The following RNF216 variants were observed in gnomAD, a reference collection of about 807,000 sequenced individuals.
The protein encoded by RNF216 is E3 ubiquitin-protein ligase RNF216.
RNF216 carries 72 observed loss-of-function variants against 110.8 expected under a neutral mutation model. The observed-to-expected ratio is 0.65, with a 90% CI of 0.54 to 0.79. The LOEUF is 0.79. RNF216 is among the 30% of genes least tolerant of loss of function. RNF216 has a pLI of 0.00. For synonymous variants in RNF216, 495 were observed against 407.5 expected, an observed-to-expected ratio of 1.21 and a Z score of -2.59; for missense variants, 1,342 against 1,141.2, an observed-to-expected ratio of 1.18 and a Z score of -2.54.
chr7:5,658,481 A>G (rs1360281701), intron 13 of RNF216, among the ~76,000 whole-genome samples: 1 of 151,772 alleles, frequency 6.6e-6, no homozygotes, highest in Non-Finnish European at 1.5e-5. Context: ...ACATAGTGAG[A>G]CCCCATCTCT....
At chr7:5,775,479 C>T (rs1254893631) in intron 1 of RNF216, among the ~76,000 whole-genome samples, 2 of 152,144 alleles carry the variant, frequency 1.3e-5, no homozygotes, top group African/African-American at 4.8e-5. Flanking sequence ...CTCCAGAATA[C>T]TTCCTGTAAA....
intron 13 of RNF216, among the ~76,000 whole-genome samples, chr7:5,668,326 C>T (rs1454367450): frequency 6.6e-6 from 1 of 151,650 alleles, no homozygotes; most frequent in African/African-American, 2.4e-5. Context: ...CAGGTTCACA[C>T]CATTCTCCTG....
intron 1 of RNF216, among the ~76,000 whole-genome samples, chr7:5,779,462 T>C (rs1184907139): frequency 6.6e-6 from 1 of 151,458 alleles, no homozygotes; most frequent in Admixed American, 6.6e-5. Flanking sequence ...AGCCAGGCCA[T>C]GTATTAGCCT....
chr7:5,655,483 A>G (rs1029282196), intron 13 of RNF216, among the ~76,000 whole-genome samples: 10 of 151,986 alleles, frequency 6.6e-5, no homozygotes, highest in African/African-American at 2.4e-4. Context: ...CTGTAATCCC[A>G]GCTGAGGCAA....
rs531991209 is a variant in RNF216 at position 5,620,636 on chromosome 7, T to C, written c.*2224A>G. The C allele has an allele frequency of 4.6e-5, 7 of 152,394 alleles. No individual in the cohort carries two copies. The East Asian group carries it at 1.4e-3, about 29-fold the overall frequency. The allele number at this position is 152,394 out of a possible 1,614,324, so 9.4% of individuals were successfully genotyped here. A position where few individuals can be genotyped will look rare whatever the true frequency, so the allele number is the denominator to read the frequency against. ...CGCCGCTCCTTCCCCACCAGCCCAG[T>C]GTGGCCAGAACAGCTGGAACTCCTC... On this transcript the variant is annotated 3_prime_UTR_variant, in exon 17 of 17. Transcript: ENST00000389902.
chr7:5,781,077 C>G (rs1346103654), intron 1 of RNF216, among the ~76,000 whole-genome samples: 1 of 152,200 alleles, frequency 6.6e-6, no homozygotes, highest in Non-Finnish European at 1.5e-5. Context: ...ACACGCGCTC[C>G]AGATGTGAGG....
chr7:5,648,326 C>T (rs1013624377), intron 14 of RNF216, among the ~76,000 whole-genome samples: 3 of 151,726 alleles, frequency 2.0e-5, no homozygotes, highest in African/African-American at 4.8e-5. Flanking sequence ...AGGCTAGTCT[C>T]GAACTCCCGA....
At chr7:5,694,713 G>C (rs974963596) in intron 13 of RNF216, among the ~76,000 whole-genome samples, 1 of 152,196 alleles carries the variant, frequency 6.6e-6, no homozygotes, top group Non-Finnish European at 1.5e-5. Context: ...TTCAGCCTAT[G>C]GAAAGTACAT....
intron 13 of RNF216, among the ~76,000 whole-genome samples, chr7:5,677,232 T>G (rs1790359120): frequency 6.6e-6 from 1 of 152,250 alleles, no homozygotes; most frequent in African/African-American, 2.4e-5. Context: ...CACGTGCTTC[T>G]GCAACATCAG....
chr7:5,710,463 C>T (rs780280087), intron 13 of RNF216, among the ~76,000 whole-genome samples: 1 of 152,124 alleles, frequency 6.6e-6, no homozygotes, highest in Admixed American at 6.5e-5. Context: ...CACTGGCAGA[C>T]CTTCTTTGAA....
intron 1 of RNF216, among the ~76,000 whole-genome samples, chr7:5,773,847 G>A (rs1009020888): frequency 5.3e-5 from 8 of 152,186 alleles, no homozygotes; most frequent in African/African-American, 1.9e-4. Context: ...GATAACAGGC[G>A]AGTCACCGTG....
intron 13 of RNF216, among the ~76,000 whole-genome samples, chr7:5,653,937 C>T (rs1788566137): frequency 1.3e-5 from 2 of 152,210 alleles, no homozygotes; most frequent in South Asian, 4.1e-4. Flanking sequence ...GGCCTGCACG[C>T]ACCAGACCAG....
chr7:5,697,252 G>C (rs181431108), intron 13 of RNF216, among the ~76,000 whole-genome samples: 1 of 152,198 alleles, frequency 6.6e-6, no homozygotes, highest in Non-Finnish European at 1.5e-5. Flanking sequence ...ATGCAGAGCC[G>C]CATGTTCCTC....
At chr7:5,766,094 G>A (rs977253174) in intron 1 of RNF216, among the ~76,000 whole-genome samples, 1 of 151,970 alleles carries the variant, frequency 6.6e-6, no homozygotes, top group African/African-American at 2.4e-5. Context: ...GACCAGCCTG[G>A]GCAATATAGC....
chr7:5,742,897 A>G (rs1471652857), intron 3 of RNF216, among the ~76,000 whole-genome samples: 2 of 151,862 alleles, frequency 1.3e-5, no homozygotes, highest in African/African-American at 4.8e-5. Flanking sequence ...CGCTTGGCCG[A>G]TGTGTGAAAA....
At chr7:5,658,879 C>G (rs1788918055) in intron 13 of RNF216, among the ~76,000 whole-genome samples, 1 of 152,194 alleles carries the variant, frequency 6.6e-6, no homozygotes, top group East Asian at 1.9e-4. Context: ...TGTACATCTG[C>G]CGCTCTCAAT....
At chr7:5,717,722 C>G (rs1171847948) in intron 9 of RNF216, among the ~76,000 whole-genome samples, 4 of 152,190 alleles carry the variant, frequency 2.6e-5, no homozygotes, top group Admixed American at 2.0e-4. Context: ...TGCAGAGTGA[C>G]TGCCAGGATG....
chr7:5,657,516 G>A (rs1045419881), intron 13 of RNF216, among the ~76,000 whole-genome samples: 11 of 151,828 alleles, frequency 7.2e-5, no homozygotes, highest in African/African-American at 1.9e-4. Context: ...GCGGTGAGCC[G>A]AAATCTTGCC....
At chr7:5,648,388 T>C (rs1354039606) in intron 14 of RNF216, among the ~76,000 whole-genome samples, 2 of 151,516 alleles carry the variant, frequency 1.3e-5, no homozygotes, top group Non-Finnish European at 3.0e-5. Flanking sequence ...GTTACAGGCG[T>C]GAGCCACTGT....
Sources: gnomAD v4.1 joint callset for allele counts (sites outside exome capture counted in the v4.1 genomes callset) on GRCh38, gnomAD v4.1.1 for gene constraint, MANE v1.5 for transcripts, NCBI Gene and HGNC (gene_info 2026-07-23, HGNC 2026-07-21) for gene names.